The following PRKN variants were observed in gnomAD, a reference collection of about 807,000 sequenced individuals.
The protein encoded by PRKN is E3 ubiquitin-protein ligase parkin.
In PRKN, 56 loss-of-function variants were observed where a neutral mutation model predicts 59.5. The observed-to-expected ratio is 0.94, with a 90% CI of 0.76 to 1.18. The LOEUF (loss-of-function observed/expected upper bound fraction) is 1.18. PRKN is among the 50% of genes most tolerant of loss of function. PRKN has a pLI of 0.00. For synonymous variants in PRKN, 250 were observed against 222.1 expected (o/e 1.13, Z -1.12); for missense variants, 657 against 596.4 (o/e 1.10, Z -1.06).
chr6:161,878,738 A>G (rs1369996423), intron 6 of PRKN, among the ~76,000 whole-genome samples: 1 of 152,156 alleles, frequency 6.6e-6, no homozygotes, highest in African/African-American at 2.4e-5. Context: ...CCAAAGCATG[A>G]CTATACTATA....
intron 1 of PRKN, among the ~76,000 whole-genome samples, chr6:162,622,971 GAAACA>G (rs1397788232): frequency 6.6e-6 from 1 of 152,088 alleles, no homozygotes; most frequent in Non-Finnish European, 1.5e-5. Context: ...TCACTTCAGA[GAAACA>G]AAACAAAACA....
At chr6:162,415,691 T>C (rs1788594003) in intron 2 of PRKN, among the ~76,000 whole-genome samples, 1 of 151,906 alleles carries the variant, frequency 6.6e-6, no homozygotes, top group African/African-American at 2.4e-5. Context: ...GTGACACCCA[T>C]CTGTAGTCCC....
intron 7 of PRKN, among the ~76,000 whole-genome samples, chr6:161,699,131 G>A (rs138383647): frequency 6.6e-6 from 1 of 152,204 alleles, no homozygotes; most frequent in East Asian, 1.9e-4. Flanking sequence ...ATGAAAAGAG[G>A]CTCAACATCG....
chr6:162,717,080 C>T (rs1172810172), intron 1 of PRKN, among the ~76,000 whole-genome samples: 8 of 152,136 alleles, frequency 5.3e-5, no homozygotes. Flanking sequence ...AATGTAACCC[C>T]ATGTGTTCTT....
intron 1 of PRKN, among the ~76,000 whole-genome samples, chr6:162,673,994 G>C (rs1411820707): frequency 6.6e-6 from 1 of 152,070 alleles, no homozygotes. Context: ...ATACAGAATG[G>C]AGCTCTTATG....
chr6:161,394,936 T>C (rs925218311), intron 9 of PRKN, among the ~76,000 whole-genome samples: 7 of 152,206 alleles, frequency 4.6e-5, no homozygotes, highest in Admixed American at 2.6e-4. Flanking sequence ...AACTTAAAAA[T>C]GTGTATTGGC....
intron 6 of PRKN, among the ~76,000 whole-genome samples, chr6:161,833,014 G>T (rs1430368598): frequency 6.6e-6 from 1 of 152,174 alleles, no homozygotes; most frequent in Non-Finnish European, 1.5e-5. Context: ...CCAGGCTGCA[G>T]TCAATAGGAA....
chr6:162,169,062 C>T (rs3919236), intron 4 of PRKN, among the ~76,000 whole-genome samples: 2,109 of 152,226 alleles, frequency 0.014, 66 homozygotes, highest in East Asian at 0.11. Flanking sequence ...AGTGTCCAAA[C>T]TGAGCTGTGC....
chr6:162,033,575 T>C (rs1236382958), intron 5 of PRKN, among the ~76,000 whole-genome samples: 1 of 152,188 alleles, frequency 6.6e-6, no homozygotes, highest in Non-Finnish European at 1.5e-5. Flanking sequence ...TATCATTTCG[T>C]AGGGGAATTT....
intron 6 of PRKN, among the ~76,000 whole-genome samples, chr6:161,894,510 C>T (rs901078949): frequency 2.0e-5 from 3 of 152,188 alleles, no homozygotes; most frequent in Non-Finnish European, 4.4e-5. Flanking sequence ...CCTGCCTTTC[C>T]AAGCCTCATT....
chr6:161,523,635 C>A (rs868089156), intron 9 of PRKN, among the ~76,000 whole-genome samples: 1 of 152,152 alleles, frequency 6.6e-6, no homozygotes, highest in Non-Finnish European at 1.5e-5. Flanking sequence ...ATTATGTTGT[C>A]AAAAGTCCCT....
At chr6:162,371,267 C>G (rs909637217) in intron 2 of PRKN, among the ~76,000 whole-genome samples, 31 of 152,174 alleles carry the variant, frequency 2.0e-4, no homozygotes, top group African/African-American at 5.8e-4. Context: ...CCTCAGGCAA[C>G]AAAGCAGCAC....
chr6:161,711,743 G>A (rs1429721383), intron 7 of PRKN, among the ~76,000 whole-genome samples: 3 of 152,164 alleles, frequency 2.0e-5, no homozygotes, highest in Non-Finnish European at 2.9e-5. Flanking sequence ...GAATAAGGCA[G>A]CAGCAGAAGA....
chr6:162,431,483 AGG>A (rs1789526270), intron 2 of PRKN, among the ~76,000 whole-genome samples: 1 of 152,044 alleles, frequency 6.6e-6, no homozygotes, highest in Non-Finnish European at 1.5e-5. Flanking sequence ...ACTGAGACCC[AGG>A]AGGCAGAGGT....
At chr6:161,943,531 G>T (rs1779642371) in intron 6 of PRKN, among the ~76,000 whole-genome samples, 1 of 152,244 alleles carries the variant, frequency 6.6e-6, no homozygotes, top group African/African-American at 2.4e-5. Context: ...ATGCTTTAAA[G>T]AAGTTTTTGG....
intron 4 of PRKN, among the ~76,000 whole-genome samples, chr6:162,108,607 T>G (rs1780291745): frequency 6.6e-6 from 1 of 152,146 alleles, no homozygotes; most frequent in Middle Eastern, 3.2e-3. Flanking sequence ...TATGTAATAT[T>G]AAAAAGGTCA....
At chr6:161,509,341 A>G (rs1371418998) in intron 9 of PRKN, among the ~76,000 whole-genome samples, 2 of 152,108 alleles carry the variant, frequency 1.3e-5, no homozygotes, top group African/African-American at 4.8e-5. Flanking sequence ...TCATCCTCGC[A>G]GAGAGAAAAT....
intron 2 of PRKN, among the ~76,000 whole-genome samples, chr6:162,295,575 T>C (rs1024637532): frequency 6.6e-6 from 1 of 152,148 alleles, no homozygotes; most frequent in Non-Finnish European, 1.5e-5. Flanking sequence ...CATTAACTAA[T>C]TGTCCAATAA....
chr6:161,477,628 T>G (rs539960989), intron 9 of PRKN, among the ~76,000 whole-genome samples: 2 of 152,206 alleles, frequency 1.3e-5, no homozygotes, highest in African/African-American at 2.4e-5. Flanking sequence ...CTTTGTTTGG[T>G]GGATAATCAT....
Sources: allele counts gnomAD v4.1 joint callset (sites outside exome capture counted in the v4.1 genomes callset), GRCh38; gene constraint gnomAD v4.1.1; transcripts MANE v1.5; gene names NCBI Gene and HGNC (gene_info 2026-07-23, HGNC 2026-07-21).